TMEM25: variants seen among roughly 807,000 people sequenced by gnomAD.
The protein encoded by TMEM25 is 0610039J01Rik.
A neutral mutation model predicts 37.0 loss-of-function variants in TMEM25; 36 were observed. The observed-to-expected ratio is 0.97, with a 90% CI of 0.75 to 1.28. TMEM25 has a LOEUF of 1.28. Among genes scored for constraint, TMEM25 ranks in the 50% most tolerant of loss-of-function variants. TMEM25 has a pLI of 0.00. For synonymous variants in TMEM25, 197 were observed against 203.7 expected, an observed-to-expected ratio of 0.97 and a Z score of 0.28; for missense variants, 444 against 477.9, an observed-to-expected ratio of 0.93 and a Z score of 0.66.
chr11:118,536,835 T>G (rs1555063666), downstream of TMEM25, among the ~76,000 whole-genome samples: 1 of 152,050 alleles, frequency 6.6e-6, no homozygotes, highest in African/African-American at 2.4e-5. Context: ...TTCATTGAAA[T>G]TTTGTAACAT....
In TMEM25 at chr11:118,533,106, C is replaced by T; in HGVS notation, c.572C>T (p.Thr191Ile). ...GATGCGCAGAACTACCCCTGGCTCA[C>T]CAACCACACGGTGCAGCTGCAGCTC... Reference protein sequence around the residue: ...VLDAQNYPWLTNHTVQLQLRS... With the variant: ...VLDAQNYPWLINHTVQLQLRS... The change falls in exon 4 of 9, where the codon ACC becomes ATC. Residue 191 changes from threonine to isoleucine, a missense_variant. Transcript: ENST00000313236. The T allele has an allele frequency of 5.6e-6, 9 of 1,613,716 alleles. No homozygotes were observed. The highest frequency in any genetic ancestry group is 1.1e-5 in the South Asian group (1 of 91,086).
Position 118,535,247 on chromosome 11 carries a change from C to T in TMEM25, c.*667C>T. ...GGACCTTCTCTACTACTTCACTGGG[C>T]ACTAGACTTTTCTATTGGCCTGTGC... On this transcript the variant is annotated 3_prime_UTR_variant, in exon 9 of 9. Coordinates refer to ENST00000313236, the MANE Select transcript of TMEM25 (RefSeq NM_032780.4). 2.5e-6 allele frequency: 3 copies of T among 1,183,080 alleles called. No individual in the cohort carries two copies. The highest frequency in any genetic ancestry group is 3.1e-6 in the Non-Finnish European group (3 of 954,974). 73.3% of individuals were successfully genotyped at this position (1,183,080 alleles called of 1,614,324 possible).
At chr11:118,537,822 G>A (rs543573318), downstream of TMEM25, among the ~76,000 whole-genome samples, 9 of 152,182 alleles carry the variant, frequency 5.9e-5, no homozygotes, top group Non-Finnish European at 7.4e-5. Flanking sequence ...AGGCCGAGGC[G>A]GGTGGATCGC....
chr11:118,534,154 C>T lies in TMEM25; in HGVS notation c.937+25C>T, dbSNP rs371605320. Reference sequence around the variant, plus strand: ...GGTATATCTAGGGCCCTGCTCTTTGCCCCTGCTTAATCTCCAGAAGTGCTT... The same window carrying T: ...GGTATATCTAGGGCCCTGCTCTTTGTCCCTGCTTAATCTCCAGAAGTGCTT... On this transcript the variant is annotated intron_variant, in intron 7 of 8. Coordinates refer to ENST00000313236, the MANE Select transcript of TMEM25 (RefSeq NM_032780.4). This position sits in a 1 kb window ranked among gnomAD's most constrained non-coding sequence, Gnocchi z 4.6. 11 of 1,613,270 alleles carry T rather than the reference C, an allele frequency of 6.8e-6. No homozygotes were observed. Among genetic ancestry groups the T allele is most frequent in the South Asian group, 1.1e-5 (1 of 91,046 alleles).
chr11:118,539,681 G>A (rs1219821530), downstream of TMEM25, among the ~76,000 whole-genome samples: 1 of 152,026 alleles, frequency 6.6e-6, no homozygotes, highest in East Asian at 1.9e-4. Flanking sequence ...ACTTTCCCAA[G>A]TGTAAGTTTT....
chr11:118,539,091 G>A (rs545719764), downstream of TMEM25, among the ~76,000 whole-genome samples: 9 of 151,592 alleles, frequency 5.9e-5, no homozygotes, highest in Non-Finnish European at 1.3e-4. Context: ...TTTGCTGTGC[G>A]GAAGCTTTTT....
In TMEM25 at chr11:118,534,943, C is replaced by T; in HGVS notation, c.*363C>T. 1.7e-6 allele frequency: 2 copies of T among 1,147,146 alleles called. No individual in the cohort carries two copies. The highest frequency in any genetic ancestry group is 1.1e-6 in the Non-Finnish European group (1 of 925,500). 71.1% of individuals were successfully genotyped at this position (1,147,146 alleles called of 1,614,324 possible). A position where few individuals can be genotyped will look rare whatever the true frequency, so the allele number is the denominator to read the frequency against. On this transcript the variant is annotated 3_prime_UTR_variant, in exon 9 of 9. Transcript: ENST00000313236. The surrounding 1 kb of genome is among the most constrained non-coding windows in gnomAD (Gnocchi z 4.6). ...TGCTGTATACCCCACCCCAGTACTC[C>T]ACAGCACCTTGTACAGTAGGCATGG...
At chr11:118,539,616 G>A (rs769414801), downstream of TMEM25, among the ~76,000 whole-genome samples, 2 of 151,996 alleles carry the variant, frequency 1.3e-5, no homozygotes, top group Non-Finnish European at 2.9e-5. Flanking sequence ...GTCCAGTTTC[G>A]TTCTTCTGCA....
rs1453319417 is a variant in TMEM25 at position 118,535,470 on chromosome 11, G to A, written c.*890G>A. Reference sequence around the variant, plus strand: ...TTTGGCCTTCTGGGATTCACTGTGAGTGTCCTGAGCTCTCGGGGTTGATGG... The same window carrying A: ...TTTGGCCTTCTGGGATTCACTGTGAATGTCCTGAGCTCTCGGGGTTGATGG... On this transcript the variant is annotated 3_prime_UTR_variant, in exon 9 of 9. Transcript: ENST00000313236. 2.0e-6 allele frequency: 3 copies of A among 1,508,454 alleles called. No individual in the cohort carries two copies. In the African/African-American group the frequency reaches 4.2e-5, roughly 21 times the overall value. 93.4% of individuals were successfully genotyped at this position (1,508,454 alleles called of 1,614,324 possible).
intron 8 of TMEM25, chr11:118,545,857 G>A: frequency 6.2e-7 from 1 of 1,614,088 alleles, no homozygotes; most frequent in Non-Finnish European, 8.5e-7. Flanking sequence ...GGCTTACCTG[G>A]AAGGGGCATG....
chr11:118,535,291 CA>C lies in TMEM25; in HGVS notation c.*713del. 7.7e-7 allele frequency: 1 copy of C among 1,294,188 alleles called. No homozygotes were observed. The highest frequency in any genetic ancestry group is 9.8e-7 in the Non-Finnish European group (1 of 1,020,810). 80.2% of individuals were successfully genotyped at this position (1,294,188 alleles called of 1,614,324 possible). ...CCTGTGCCATCGCCCAGTATTAGCA[CA>C]AGTTAGGGAGGAAGAGGCAGGCGAT... On this transcript the variant is annotated 3_prime_UTR_variant, in exon 9 of 9. Transcript: ENST00000313236.
At chr11:118,545,015 C>A in intron 8 of TMEM25, 1 of 1,599,432 alleles carries the variant, frequency 6.3e-7, no homozygotes, top group Non-Finnish European at 8.6e-7. Flanking sequence ...TAAAATGCTG[C>A]AAGGAAGAGG....
At chr11:118,545,414 A>C in intron 8 of TMEM25, 1 of 1,608,934 alleles carries the variant, frequency 6.2e-7, no homozygotes, top group Non-Finnish European at 8.5e-7. Flanking sequence ...CTCACCTGTG[A>C]GTTCTTGAAT....
At chr11:118,541,301 A>C (rs1199647428) in intron 8 of TMEM25, among the ~76,000 whole-genome samples, 5 of 152,098 alleles carry the variant, frequency 3.3e-5, no homozygotes, top group Admixed American at 6.5e-5. Context: ...TCTCTACTAA[A>C]AATACAAAAA....
rs1555060865 is a variant in TMEM25, at chr11:118,533,433, C to T, written c.687C>T (p.Thr229=). Residue 229 remains threonine (T), a synonymous_variant, in exon 5 of 9, where the codon ACC becomes ACT. Transcript: ENST00000313236. ...ASLPAPGLLA[T]RVEVPLLGIV... ...GACATCCTCCAGGGCTTCTGGCTACCCGGGTGGAAGTGCCACTGCTGGGCA... is the reference window on the plus strand; with the variant it reads ...GACATCCTCCAGGGCTTCTGGCTACTCGGGTGGAAGTGCCACTGCTGGGCA... 6.2e-7 allele frequency: 1 copy of T among 1,613,884 alleles called. No individual in the cohort carries two copies.
exon 9 of TMEM25, chr11:118,546,334 C>A (rs1330707383): frequency 3.4e-6 from 2 of 586,582 alleles, no homozygotes; most frequent in African/African-American, 3.8e-5. Flanking sequence ...TCCATCTCTA[C>A]AAAAAAATTA....
At chr11:118,538,550 G>A (rs1951539493), downstream of TMEM25, among the ~76,000 whole-genome samples, 1 of 152,012 alleles carries the variant, frequency 6.6e-6, no homozygotes, top group Non-Finnish European at 1.5e-5. Context: ...GATGATTAGT[G>A]ATGTTGAGCA....
chr11:118,540,922 G>C (rs1336916300), intron 8 of TMEM25, among the ~76,000 whole-genome samples: 1 of 152,136 alleles, frequency 6.6e-6, no homozygotes, highest in Non-Finnish European at 1.5e-5. Flanking sequence ...GAGTCAGAGA[G>C]CAAGTTAGTG....
At chr11:118,536,124 C>T (rs1385863721), downstream of TMEM25, among the ~76,000 whole-genome samples, 1 of 151,632 alleles carries the variant, frequency 6.6e-6, no homozygotes, top group Non-Finnish European at 1.5e-5. Context: ...GTGATCTGCC[C>T]ACCTCGGCCT....
Sources: allele counts gnomAD v4.1 joint callset (sites outside exome capture counted in the v4.1 genomes callset), GRCh38; gene constraint gnomAD v4.1.1; non-coding constraint Gnocchi (gnomAD v3.1); transcripts MANE v1.5; gene names NCBI Gene and HGNC (gene_info 2026-07-23, HGNC 2026-07-21).